The following ALDH3A2 variants were observed in gnomAD, a reference collection of about 807,000 sequenced individuals.
ALDH3A2 encodes the protein aldehyde dehydrogenase family 3 member A2.
ALDH3A2 carries 36 observed loss-of-function variants against 51.3 expected under a neutral mutation model. The observed-to-expected ratio is 0.70, with a 90% CI of 0.54 to 0.93. The LOEUF is 0.93. Among genes scored for constraint, ALDH3A2 ranks in the 40% least tolerant of loss-of-function variants. The pLI, the probability that ALDH3A2 is intolerant of heterozygous loss-of-function variation, is 0.00. For missense variants in ALDH3A2, 552 were observed against 603.1 expected (o/e 0.92, Z 0.89); for synonymous variants, 199 against 219.8 (o/e 0.91, Z 0.84).
chr17:19,661,419 T>G, intron 6 of ALDH3A2, 151 bp downstream of exon 6: 1 of 889,832 alleles, frequency 1.1e-6, no homozygotes, highest in Middle Eastern at 2.8e-4. Context: ...CCTGTAGCTT[T>G]TGTTATAAAC....
At chr17:19,661,336 A>T in intron 6 of ALDH3A2, 68 bp downstream of exon 6, 1 of 1,546,780 alleles carries the variant, frequency 6.5e-7, no homozygotes, top group Non-Finnish European at 8.9e-7. Flanking sequence ...ACTACTTATT[A>T]ACACTAGATA....
Position 19,664,932 on chromosome 17 carries a change from T to C in ALDH3A2, c.1108-16T>C. 1 of 1,605,614 alleles carries C rather than the reference T, an allele frequency of 6.2e-7. No homozygotes were observed. The highest frequency in any genetic ancestry group is 1.1e-5 in the South Asian group (1 of 90,852). On this transcript the variant is annotated splice_polypyrimidine_tract_variant and intron_variant, in intron 7 of 9. Coordinates refer to ENST00000176643, the MANE Select transcript of ALDH3A2 (RefSeq NM_000382.3). ...GGGCAACTTCACTGACCTGGACACCTTTGGTCTGTCCTCAGCTCATCAAAC... is the reference window on the plus strand; with the variant it reads ...GGGCAACTTCACTGACCTGGACACCCTTGGTCTGTCCTCAGCTCATCAAAC...
chr17:19,661,481 CCAGTTGTTCATATTT>C, intron 6 of ALDH3A2: 1 of 571,510 alleles, frequency 1.7e-6, no homozygotes, highest in South Asian at 2.2e-5. Context: ...CAGCGTTGCT[CCAGTTGTTCATATTT>C]ACACATAACT....
At chr17:19,673,610 A>G (rs1332677137) in intron 9 of ALDH3A2, among the ~76,000 whole-genome samples, 1 of 151,852 alleles carries the variant, frequency 6.6e-6, no homozygotes, top group Non-Finnish European at 1.5e-5. Context: ...CCCAGCTACT[A>G]GGGAGGCTGA....
chr17:19,667,382 G>C (rs1352112619), intron 8 of ALDH3A2, among the ~76,000 whole-genome samples: 2 of 151,888 alleles, frequency 1.3e-5, no homozygotes, highest in Non-Finnish European at 2.9e-5. Context: ...TGCAATCTCT[G>C]ATTATTTCTT....
chr17:19,650,851 A>T (rs376303761), intron 1 of ALDH3A2, among the ~76,000 whole-genome samples: 113 of 152,304 alleles, frequency 7.4e-4, no homozygotes, highest in African/African-American at 2.7e-3. Context: ...TCAATCAAAG[A>T]TTATTTTAAT....
intron 9 of ALDH3A2, among the ~76,000 whole-genome samples, chr17:19,672,898 A>G (rs1597574441): frequency 6.6e-6 from 1 of 152,158 alleles, no homozygotes; most frequent in East Asian, 1.9e-4. Context: ...AAAATTAGCC[A>G]GGCATGGTGG....
chr17:19,666,589 C>A (rs1208835808), intron 8 of ALDH3A2, among the ~76,000 whole-genome samples: 1 of 152,004 alleles, frequency 6.6e-6, no homozygotes, highest in Non-Finnish European at 1.5e-5. Flanking sequence ...CCAGCCTGGC[C>A]AACATGGTGA....
At chr17:19,660,163 C>T (rs1416829619) in intron 5 of ALDH3A2, among the ~76,000 whole-genome samples, 1 of 152,078 alleles carries the variant, frequency 6.6e-6, no homozygotes, top group Non-Finnish European at 1.5e-5. Context: ...CCCTTTGAGG[C>T]ATTTATACTC....
chr17:19,673,029 A>G, intron 9 of ALDH3A2: 2 of 1,312,082 alleles, frequency 1.5e-6, no homozygotes, highest in Non-Finnish European at 2.2e-6. Flanking sequence ...CAATAGAGCG[A>G]GACTCCATCT....
intron 5 of ALDH3A2, among the ~76,000 whole-genome samples, chr17:19,660,640 A>G (rs546781211): frequency 1.1e-4 from 16 of 152,378 alleles, no homozygotes; most frequent in African/African-American, 2.6e-4. Flanking sequence ...CCAAAACAAC[A>G]AAGTGGAGCA....
Position 19,671,689 on chromosome 17 carries a change from G to A in ALDH3A2, c.1208-32G>A, listed in dbSNP as rs756116478. On this transcript the variant is annotated intron_variant, in intron 8 of 9. Transcript: ENST00000176643. The stretch of plus-strand genomic sequence containing the variant: ...AGAAGTAGCTTGCATCATCTACAGT[G>A]AAGCTTGTTTTGTCTGTTCCCTTTA... 4 of 1,581,390 alleles carry A rather than the reference G, an allele frequency of 2.5e-6. No homozygotes were observed. In the South Asian group the frequency reaches 3.3e-5, roughly 13 times the overall value.
chr17:19,670,109 C>T (rs562463063), intron 8 of ALDH3A2, among the ~76,000 whole-genome samples: 29 of 152,226 alleles, frequency 1.9e-4, no homozygotes, highest in African/African-American at 6.5e-4. Context: ...TACTGTTTTT[C>T]GATGTTTTCT....
rs780715438 is a variant in ALDH3A2 at position 19,651,533 on chromosome 17, T to C, written c.154-14T>C. On this transcript the variant is annotated splice_polypyrimidine_tract_variant and intron_variant, in intron 1 of 9. Coordinates refer to ENST00000176643, the MANE Select transcript of ALDH3A2 (RefSeq NM_000382.3). ...ACTTACTCTGCAAGATTAACTGTGATTCTCTTATAACAGAGTGAATTCAAT... is the reference window on the plus strand; with the variant it reads ...ACTTACTCTGCAAGATTAACTGTGACTCTCTTATAACAGAGTGAATTCAAT... 3.1e-6 allele frequency: 5 copies of C among 1,596,994 alleles called. No individual in the cohort carries two copies. In the South Asian group the frequency reaches 5.5e-5, roughly 18 times the overall value.
intron 5 of ALDH3A2, chr17:19,659,624 C>T (rs2084941137): frequency 6.6e-6 from 1 of 152,240 alleles, no homozygotes; most frequent in African/African-American, 2.4e-5. Flanking sequence ...GCAGACAGAT[C>T]ACTTGAGGCC....
At chr17:19,652,797 G>GTGTA (rs1190951396) in intron 3 of ALDH3A2, 165 bp downstream of exon 3, 1 of 649,276 alleles carries the variant, frequency 1.5e-6, no homozygotes, top group Non-Finnish European at 2.8e-6. Context: ...AATACACGGA[G>GTGTA]TGTATTTTGT....
intron 8 of ALDH3A2, among the ~76,000 whole-genome samples, chr17:19,667,842 A>G (rs1375744900): frequency 6.6e-6 from 1 of 152,214 alleles, no homozygotes; most frequent in Admixed American, 6.5e-5. Context: ...TACAGGTGTG[A>G]GCCATCGCAC....
At chr17:19,653,993 G>C (rs1031178441) in intron 3 of ALDH3A2, among the ~76,000 whole-genome samples, 2 of 152,010 alleles carry the variant, frequency 1.3e-5, no homozygotes, top group Non-Finnish European at 2.9e-5. Context: ...CACTAGATTA[G>C]CTAGACACAG....
chr17:19,664,917 A>G (rs369409376), intron 7 of ALDH3A2, 31 bp from the exon 8 acceptor site: 1 of 1,566,478 alleles, frequency 6.4e-7, no homozygotes, highest in African/African-American at 1.4e-5. Flanking sequence ...GGGCAACTTC[A>G]CTGACCTGGA....
Sources: allele counts gnomAD v4.1 joint callset (sites outside exome capture counted in the v4.1 genomes callset), GRCh38; gene constraint gnomAD v4.1.1; transcripts MANE v1.5; gene names NCBI Gene and HGNC (gene_info 2026-07-23, HGNC 2026-07-21).